SH2D4B: variants seen among roughly 807,000 people sequenced by gnomAD.
SH2D4B encodes the protein SH2 domain containing 4B.
Under a neutral mutation model 61.5 loss-of-function variants are expected in SH2D4B, and 45 were observed. That is an observed-to-expected ratio of 0.73 (90% confidence interval 0.58 to 0.94). SH2D4B has a LOEUF of 0.94. Ranked by LOEUF, SH2D4B falls within the 40% of genes least tolerant of loss-of-function variation. The pLI is 0.00. For synonymous variants in SH2D4B, 224 were observed against 220.4 expected (o/e 1.02, Z -0.14); for missense variants, 572 against 574.2 (o/e 1.00, Z 0.04).
chr10:80,618,248 A>G (rs1283674506), intron 6 of SH2D4B, among the ~76,000 whole-genome samples: 1 of 152,178 alleles, frequency 6.6e-6, no homozygotes, highest in Non-Finnish European at 1.5e-5. Context: ...TATACATCCA[A>G]TGGAGGTCAG....
chr10:80,614,948 C>T (rs72805755), intron 6 of SH2D4B, among the ~76,000 whole-genome samples: 2,890 of 152,280 alleles, frequency 0.019, 37 homozygotes, highest in Middle Eastern at 0.061. Context: ...AATGGTGATC[C>T]CCTCCTGGGT....
rs958119942 is a variant in SH2D4B at position 80,644,739 on chromosome 10, A to G, written c.*654A>G. 6 of 152,114 alleles carry G rather than the reference A, an allele frequency of 3.9e-5. No homozygotes were observed. The highest frequency in any genetic ancestry group is 1.4e-4 in the African/African-American group (6 of 41,382). The allele number at this position is 152,114 out of a possible 1,614,324, so 9.4% of individuals were successfully genotyped here. ...ACCTCTTCTTTTGCCACTCGCCTCT[A>G]TCTTTGAATCATATTTTGGCCTTGG... On this transcript the variant is annotated 3_prime_UTR_variant, in exon 8 of 8. Transcript: ENST00000646907.
intron 1 of SH2D4B, among the ~76,000 whole-genome samples, chr10:80,560,638 C>T (rs1841891750): frequency 6.7e-6 from 1 of 149,994 alleles, no homozygotes; most frequent in African/African-American, 2.5e-5. Context: ...AATTCTCCTG[C>T]CTTAGCCTCT....
At chr10:80,573,803 AT>A (rs940991461) in intron 3 of SH2D4B, among the ~76,000 whole-genome samples, 6 of 147,582 alleles carry the variant, frequency 4.1e-5, no homozygotes, top group African/African-American at 1.3e-4. Context: ...AATCTCACCC[AT>A]TTTTTTTTCT....
At chr10:80,582,409 T>G (rs945257741) in intron 3 of SH2D4B, among the ~76,000 whole-genome samples, 3 of 152,232 alleles carry the variant, frequency 2.0e-5, no homozygotes, top group African/African-American at 7.2e-5. Flanking sequence ...AGCACTATTC[T>G]GGTGACCCAA....
Position 80,538,456 on chromosome 10 carries a change from G to A in SH2D4B, c.125G>A (p.Arg42Gln), listed in dbSNP as rs780375316. ...GAGCAGCTGAGGCGCTGGAAGGAGC[G>A]GGAGACTTGGGAGGCCCTGGCCCAG... ...REEQLRRWKERETWEALAQDE... is the reference protein window; with the variant it reads ...REEQLRRWKEQETWEALAQDE... Residue 42 changes from arginine (R) to glutamine (Q), a missense_variant, in exon 1 of 8, where the codon CGG (arginine) becomes CAG (glutamine). Transcript: ENST00000646907. This position sits in a 1 kb window ranked among gnomAD's most constrained non-coding sequence, Gnocchi z 4.8. 42 of 1,482,612 alleles carry A rather than the reference G, an allele frequency of 2.8e-5. No individual in the cohort carries two copies. Among genetic ancestry groups the A allele is most frequent in the South Asian group, 2.5e-4 (18 of 72,802 alleles). 91.8% of individuals were successfully genotyped at this position (1,482,612 alleles called of 1,614,324 possible).
chr10:80,567,188 C>T (rs1026061106), intron 1 of SH2D4B, among the ~76,000 whole-genome samples: 1 of 152,132 alleles, frequency 6.6e-6, no homozygotes, highest in African/African-American at 2.4e-5. Flanking sequence ...AAGGCACACC[C>T]GCTGCTAACC....
intron 4 of SH2D4B, among the ~76,000 whole-genome samples, chr10:80,600,296 G>A (rs934801979): frequency 6.6e-6 from 1 of 152,152 alleles, no homozygotes; most frequent in Non-Finnish European, 1.5e-5. Context: ...TTCACCCAAG[G>A]GATTACTACA....
chr10:80,562,390 T>C (rs1185192083), intron 1 of SH2D4B, among the ~76,000 whole-genome samples: 2 of 152,238 alleles, frequency 1.3e-5, no homozygotes, highest in African/African-American at 4.8e-5. Flanking sequence ...CAAAATGACA[T>C]TGAATCAAAT....
intron 6 of SH2D4B, among the ~76,000 whole-genome samples, chr10:80,629,817 C>T (rs1842810162): frequency 6.6e-6 from 1 of 152,230 alleles, no homozygotes; most frequent in Admixed American, 6.5e-5. Context: ...ATGAGGACCT[C>T]AAACTCGGTT....
chr10:80,608,415 G>A (rs972326328), intron 5 of SH2D4B, among the ~76,000 whole-genome samples: 14 of 152,136 alleles, frequency 9.2e-5, no homozygotes, highest in African/African-American at 3.1e-4. Context: ...CCCAGATGCT[G>A]TATTTTTGTG....
chr10:80,607,455 C>G (rs560501195), intron 5 of SH2D4B: 1 of 152,238 alleles, frequency 6.6e-6, no homozygotes, highest in South Asian at 2.1e-4. Flanking sequence ...AGAGTGGCAG[C>G]GAGTGGGAAG....
In SH2D4B at chr10:80,538,772, CTTG is replaced by C. The variant is rs1841540631; in HGVS notation, c.184+262_184+264del. Among the ~76,000 whole-genome samples the C allele has an allele frequency of 1.3e-5, 2 of 152,284 alleles. No homozygotes were observed. Among genetic ancestry groups the C allele is most frequent in the African/African-American group, 4.8e-5 (2 of 41,546 alleles). On this transcript the variant is annotated intron_variant, in intron 1 of 7. Transcript: ENST00000646907. The surrounding 1 kb of genome is among the most constrained non-coding windows in gnomAD (Gnocchi z 4.8). ...GTCGGGGAGTTGGGACTTGCTTTGT[CTTG>C]TTGTGGAAGGCCCGAGTTCTGGGAA...
At chr10:80,605,140 C>T (rs541462195) in intron 5 of SH2D4B, among the ~76,000 whole-genome samples, 104 of 151,088 alleles carry the variant, frequency 6.9e-4, no homozygotes, top group African/African-American at 2.2e-3. Flanking sequence ...TTGCAGTTAC[C>T]GTCATGAAAG....
chr10:80,611,547 T>C (rs549454214), intron 6 of SH2D4B, among the ~76,000 whole-genome samples: 1 of 152,312 alleles, frequency 6.6e-6, no homozygotes, highest in South Asian at 2.1e-4. Flanking sequence ...GTCCCAGTTA[T>C]GTGTCCCTGT....
At chr10:80,603,427 C>T (rs1403445007) in intron 4 of SH2D4B, 152 bp from the exon 5 acceptor site, 4 of 686,204 alleles carry the variant, frequency 5.8e-6, no homozygotes, top group African/African-American at 3.6e-5. Context: ...TCCTGAGGTT[C>T]CTGGACTATT....
chr10:80,566,588 G>A (rs749108497), intron 1 of SH2D4B, among the ~76,000 whole-genome samples: 26 of 152,142 alleles, frequency 1.7e-4, no homozygotes, highest in African/African-American at 6.0e-4. Context: ...GAGCCACTGC[G>A]CCCTGCCAAA....
intron 4 of SH2D4B, among the ~76,000 whole-genome samples, chr10:80,602,930 G>A (rs1272814735): frequency 6.6e-6 from 1 of 152,118 alleles, no homozygotes; most frequent in Non-Finnish European, 1.5e-5. Context: ...GGCACACCTG[G>A]GTTTCTGTCC....
chr10:80,646,012 T>G lies in SH2D4B; in HGVS notation c.*1927T>G, dbSNP rs1453904999. On this transcript the variant is annotated 3_prime_UTR_variant, in exon 8 of 8. Coordinates refer to ENST00000646907, the MANE Select transcript of SH2D4B (RefSeq NM_001388272.1). ...TTGGCTCTCTGATTTACCAACTATG[T>G]GACTTTGTCCAAGTCATTTAACTTC... The G allele has an allele frequency of 6.6e-6, 1 of 152,490 alleles. No homozygotes were observed. Among genetic ancestry groups the G allele is most frequent in the African/African-American group, 2.4e-5 (1 of 41,456 alleles). 9.4% of individuals were successfully genotyped at this position (152,490 alleles called of 1,614,324 possible).
Sources: allele counts gnomAD v4.1 joint callset (sites outside exome capture counted in the v4.1 genomes callset), GRCh38; gene constraint gnomAD v4.1.1; non-coding constraint Gnocchi (gnomAD v3.1); transcripts MANE v1.5; gene names NCBI Gene and HGNC (gene_info 2026-07-23, HGNC 2026-07-21).